Variants in GALM observed in about 807,000 individuals in gnomAD.
The protein encoded by GALM is galactose mutarotase.
GALM carries 43 observed loss-of-function variants against 37.4 expected under a neutral mutation model. That is an observed-to-expected ratio of 1.15 (90% confidence interval 0.90 to 1.48). The LOEUF (loss-of-function observed/expected upper bound fraction) is 1.48. Ranked by LOEUF, GALM falls within the 40% of genes most tolerant of loss-of-function variation. GALM has a pLI of 0.00. For synonymous variants in GALM, 199 were observed against 170.6 expected (o/e 1.17, Z -1.30); for missense variants, 456 against 419.1 (o/e 1.09, Z -0.77).
intron 4 of GALM, among the ~76,000 whole-genome samples, chr2:38,715,909 A>G (rs1666261757): frequency 6.6e-6 from 1 of 152,174 alleles, no homozygotes; most frequent in African/African-American, 2.4e-5. Flanking sequence ...CGTTATCCCC[A>G]TTTTACAGAT....
intron 4 of GALM, among the ~76,000 whole-genome samples, chr2:38,718,544 C>A (rs766268019): frequency 3.3e-5 from 5 of 151,836 alleles, no homozygotes; most frequent in Non-Finnish European, 7.4e-5. Context: ...GAGAAAATTT[C>A]TTTCCTACTC....
intron 4 of GALM, among the ~76,000 whole-genome samples, chr2:38,698,012 C>T (rs1665845717): frequency 6.6e-6 from 1 of 151,746 alleles, no homozygotes; most frequent in Non-Finnish European, 1.5e-5. Flanking sequence ...GGTGCAGTCT[C>T]GGCCCACTGC....
intron 4 of GALM, among the ~76,000 whole-genome samples, chr2:38,705,152 G>C (rs1301458356): frequency 2.0e-5 from 3 of 152,178 alleles, no homozygotes; most frequent in Non-Finnish European, 4.4e-5. Flanking sequence ...CCCTTGGAGA[G>C]TTGATGGTTC....
chr2:38,679,685 A>G (rs1256558743), intron 2 of GALM, among the ~76,000 whole-genome samples: 2 of 152,142 alleles, frequency 1.3e-5, no homozygotes, highest in African/African-American at 4.8e-5. Flanking sequence ...TCATCCCCTG[A>G]TAGTATAGAG....
intron 4 of GALM, among the ~76,000 whole-genome samples, chr2:38,714,416 T>C (rs1260072628): frequency 2.6e-5 from 4 of 152,136 alleles, no homozygotes; most frequent in Non-Finnish European, 5.9e-5. Context: ...GGTTTCACCA[T>C]GTTGGTCAGG....
intron 4 of GALM, among the ~76,000 whole-genome samples, chr2:38,690,217 A>G (rs1212804681): frequency 6.6e-6 from 1 of 152,120 alleles, no homozygotes; most frequent in East Asian, 1.9e-4. Flanking sequence ...CACGCCTGTA[A>G]TCCCAGCACT....
chr2:38,731,983 C>A (rs778925314), intron 6 of GALM, 74 bp downstream of exon 6: 4 of 1,188,386 alleles, frequency 3.4e-6, no homozygotes, highest in East Asian at 2.4e-5. Context: ...TCACTACACT[C>A]GAATCAGCTT....
intron 1 of GALM, chr2:38,668,822 A>T (rs1389393105): frequency 6.6e-6 from 1 of 151,968 alleles, no homozygotes; most frequent in Non-Finnish European, 1.5e-5. Context: ...AAATTTTTTT[A>T]AATACTTGAC....
chr2:38,703,952 G>C (rs544315445), intron 4 of GALM, among the ~76,000 whole-genome samples: 20 of 152,060 alleles, frequency 1.3e-4, no homozygotes, highest in East Asian at 1.2e-3. Flanking sequence ...GGAGGCAGAG[G>C]TTGCAGTAAG....
rs1666674494 is a variant in GALM at position 38,734,711 on chromosome 2, G to A, written c.*1146G>A. ...TTTTGAAAAAAAAAAAAAAAAGTAT[G>A]TTATACTAGTGTATGCTGTACTGAA... On this transcript the variant is annotated 3_prime_UTR_variant, in exon 7 of 7. Coordinates refer to ENST00000272252, the MANE Select transcript of GALM (RefSeq NM_138801.3). The A allele has an allele frequency of 6.8e-6, 1 of 146,076 alleles. No homozygotes were observed. Among genetic ancestry groups the A allele is most frequent in the Non-Finnish European group, 1.5e-5 (1 of 66,938 alleles). The allele number at this position is 146,076 out of a possible 1,614,324, so 9.0% of individuals were successfully genotyped here. A position where few individuals can be genotyped will look rare whatever the true frequency, so the allele number is the denominator to read the frequency against.
Position 38,666,130 on chromosome 2 carries a change from C to G in GALM, c.-32C>G, listed in dbSNP as rs199512897. 65 of 1,579,904 alleles carry G rather than the reference C, an allele frequency of 4.1e-5. No individual in the cohort carries two copies. In the African/African-American group the frequency reaches 4.6e-4, roughly 11 times the overall value. On this transcript the variant is annotated 5_prime_UTR_variant, in exon 1 of 7. Coordinates refer to ENST00000272252, the MANE Select transcript of GALM (RefSeq NM_138801.3). ...TTAGCGAGCGCTGGAGTTTGAAGAG[C>G]GGGCAGTGGCTGCACACGCCAAACT...
At chr2:38,695,721 T>G (rs575560189) in intron 4 of GALM, among the ~76,000 whole-genome samples, 6 of 152,204 alleles carry the variant, frequency 3.9e-5, no homozygotes, top group Non-Finnish European at 8.8e-5. Context: ...TGAGACGGAG[T>G]CTCACTCTGT....
At chr2:38,705,159 G>C (rs574731015) in intron 4 of GALM, among the ~76,000 whole-genome samples, 1 of 152,252 alleles carries the variant, frequency 6.6e-6, no homozygotes, top group South Asian at 2.1e-4. Flanking sequence ...AGAGTTGATG[G>C]TTCACATCTA....
intron 4 of GALM, among the ~76,000 whole-genome samples, chr2:38,708,455 CT>C (rs1374440594): frequency 2.6e-5 from 4 of 152,076 alleles, no homozygotes; most frequent in African/African-American, 9.7e-5. Context: ...ATTGAAAGTG[CT>C]GTCGCCTGGG....
At chr2:38,678,108 C>T (rs1482873102) in intron 2 of GALM, among the ~76,000 whole-genome samples, 2 of 151,790 alleles carry the variant, frequency 1.3e-5, no homozygotes. Context: ...CCTCCACCTC[C>T]TGGGTTCAAG....
intron 2 of GALM, 41 bp from the exon 3 acceptor site, chr2:38,681,239 G>A (rs763084765): frequency 6.9e-7 from 1 of 1,445,338 alleles, no homozygotes; most frequent in Non-Finnish European, 9.7e-7. Flanking sequence ...TTTAGCTTGA[G>A]GATGGAGCAA....
At chr2:38,718,059 A>G (rs944516030) in intron 4 of GALM, among the ~76,000 whole-genome samples, 1 of 151,152 alleles carries the variant, frequency 6.6e-6, no homozygotes, top group Non-Finnish European at 1.5e-5. Context: ...CTGGTCTCGA[A>G]CTCCTGGGCT....
chr2:38,681,332 G>C lies in GALM; in HGVS notation c.398G>C (p.Ser133Thr), dbSNP rs760392222. 1.2e-6 allele frequency: 2 copies of C among 1,613,902 alleles called. No individual in the cohort carries two copies. Among genetic ancestry groups the C allele is most frequent in the African/African-American group, 1.3e-5 (1 of 74,934 alleles). Residue 133 changes from serine (S) to threonine (T), a missense_variant, in exon 3 of 7, where the codon AGT (serine) becomes ACT (threonine). Transcript: ENST00000272252. ...AATGGCGTCCAGTTCTCGCGCATCA[G>C]TCCAGATGGTGAAGAAGGCTACCCC... is the stretch of plus-strand genomic sequence containing the variant. Reference protein sequence around the residue: ...LSNGVQFSRISPDGEEGYPGE... With the variant: ...LSNGVQFSRITPDGEEGYPGE...
intron 3 of GALM, among the ~76,000 whole-genome samples, chr2:38,685,077 T>C (rs2148431801): frequency 6.6e-6 from 1 of 152,318 alleles, no homozygotes; most frequent in East Asian, 1.9e-4. Flanking sequence ...ATTCCATTTT[T>C]CATATCTCTA....
Sources: allele counts gnomAD v4.1 joint callset (sites outside exome capture counted in the v4.1 genomes callset), GRCh38; gene constraint gnomAD v4.1.1; transcripts MANE v1.5; gene names NCBI Gene and HGNC (gene_info 2026-07-23, HGNC 2026-07-21).